The following RASGEF1C variants were observed in gnomAD, a reference collection of about 807,000 sequenced individuals.
The protein encoded by RASGEF1C is RasGEF domain family member 1C.
In RASGEF1C, 27 loss-of-function variants were observed where a neutral mutation model predicts 58.1. That is an observed-to-expected ratio of 0.46 (90% confidence interval 0.34 to 0.64). The LOEUF is 0.64. Among genes scored for constraint, RASGEF1C ranks in the 30% least tolerant of loss-of-function variants. RASGEF1C has a pLI of 0.01. For missense variants in RASGEF1C, 502 were observed against 605.1 expected (o/e 0.83, Z 1.79); for synonymous variants, 243 against 246.3 (o/e 0.99, Z 0.13).
At chr5:180,174,100 C>T (rs1436907978) in intron 1 of RASGEF1C, among the ~76,000 whole-genome samples, 1 of 151,804 alleles carries the variant, frequency 6.6e-6, no homozygotes, top group African/African-American at 2.4e-5. Flanking sequence ...GAGAAACACT[C>T]AGTGCATGGA....
At chr5:180,109,110 T>C (rs916994939) in intron 12 of RASGEF1C, among the ~76,000 whole-genome samples, 1 of 152,192 alleles carries the variant, frequency 6.6e-6, no homozygotes, top group Non-Finnish European at 1.5e-5. Flanking sequence ...CTCATCTTAA[T>C]GCCCAAGTTC....
intron 11 of RASGEF1C, among the ~76,000 whole-genome samples, chr5:180,113,044 ATGGACGGAGGGATCCGGGC>A (rs1304873592): frequency 0.021 from 2,331 of 111,240 alleles, 415 homozygotes; most frequent in Non-Finnish European, 0.036. Context: ...GGGACCGGGG[ATGGACGGAGGGATCCGGGC>A]TGGACGGAGG....
intron 12 of RASGEF1C, among the ~76,000 whole-genome samples, chr5:180,104,369 G>A (rs1469827370): frequency 6.6e-6 from 1 of 152,176 alleles, no homozygotes; most frequent in African/African-American, 2.4e-5. Flanking sequence ...TCTGCCAAAT[G>A]AGGACACAGC....
At chr5:180,190,345 C>T (rs892423945) in intron 1 of RASGEF1C, among the ~76,000 whole-genome samples, 2 of 151,888 alleles carry the variant, frequency 1.3e-5, no homozygotes, top group African/African-American at 2.4e-5. Flanking sequence ...AAAAAATTAG[C>T]CGGGCGTGGT....
chr5:180,112,600 T>C (rs894826315), intron 11 of RASGEF1C, among the ~76,000 whole-genome samples: 1 of 152,100 alleles, frequency 6.6e-6, no homozygotes, highest in Non-Finnish European at 1.5e-5. Flanking sequence ...TGTCACCCAC[T>C]GCTAAGGCCA....
chr5:180,128,283 G>A, intron 5 of RASGEF1C, 127 bp downstream of exon 5: 1 of 895,650 alleles, frequency 1.1e-6, no homozygotes, highest in Non-Finnish European at 1.8e-6. Flanking sequence ...CCCAGTGCAT[G>A]CTCGAGGCTA....
Position 180,137,019 on chromosome 5 carries a change from C to A in RASGEF1C, c.301-504G>T, listed in dbSNP as rs1014259525. ...GCGGTGGAGGCGGCCAAGCGCCACA[C>A]CAGCCAGCCCGAGGGAGGCCAGCCC... On this transcript the variant is annotated intron_variant, in intron 3 of 13. Transcript: ENST00000361132. This position sits in a 1 kb window ranked among gnomAD's most constrained non-coding sequence, Gnocchi z 4.1. 1.3e-5 allele frequency among the ~76,000 whole-genome samples: 2 copies of A among 152,144 alleles called. No individual in the cohort carries two copies. The highest frequency in any genetic ancestry group is 3.9e-4 in the East Asian group (2 of 5,172).
At chr5:180,116,616 G>T (rs1375970786) in intron 10 of RASGEF1C, among the ~76,000 whole-genome samples, 2 of 152,246 alleles carry the variant, frequency 1.3e-5, no homozygotes, top group Non-Finnish European at 2.9e-5. Flanking sequence ...AGCACCCAGA[G>T]CTGGAAGGGG....
intron 1 of RASGEF1C, among the ~76,000 whole-genome samples, chr5:180,139,352 C>A (rs190354988): frequency 6.6e-6 from 1 of 152,204 alleles, no homozygotes; most frequent in Non-Finnish European, 1.5e-5. Flanking sequence ...CTGCTCATGC[C>A]GTCCTTGCTG....
intron 9 of RASGEF1C, 30 bp from the exon 10 acceptor site, chr5:180,118,734 G>C (rs761026839): frequency 6.2e-7 from 1 of 1,614,056 alleles, no homozygotes; most frequent in South Asian, 1.1e-5. Context: ...CATGTGGGCA[G>C]TTCTGTCCAG....
intron 12 of RASGEF1C, among the ~76,000 whole-genome samples, chr5:180,109,185 GGTGGCTCACGCCTGTAATCCC>G (rs1765914947): frequency 6.6e-6 from 1 of 152,154 alleles, no homozygotes; most frequent in Non-Finnish European, 1.5e-5. Context: ...GGCCAGGCGT[GGTGGCTCACGCCTGTAATCCC>G]AGCACTTTGG....
At chr5:180,181,087 C>A (rs1415137398) in intron 1 of RASGEF1C, among the ~76,000 whole-genome samples, 1 of 152,112 alleles carries the variant, frequency 6.6e-6, no homozygotes, top group Non-Finnish European at 1.5e-5. Context: ...GAACAGGAAC[C>A]CCACGTGGCT....
intron 6 of RASGEF1C, among the ~76,000 whole-genome samples, chr5:180,123,747 T>C (rs1766213365): frequency 6.6e-6 from 1 of 151,948 alleles, no homozygotes; most frequent in African/African-American, 2.4e-5. Flanking sequence ...AAAACTGCAA[T>C]CTACAGAATC....
At chr5:180,179,235 A>T (rs1767281232) in intron 1 of RASGEF1C, among the ~76,000 whole-genome samples, 1 of 151,738 alleles carries the variant, frequency 6.6e-6, no homozygotes, top group Non-Finnish European at 1.5e-5. Flanking sequence ...TAAAGGGAGC[A>T]CTCAGCCCCC....
intron 10 of RASGEF1C, among the ~76,000 whole-genome samples, chr5:180,118,279 G>A (rs930307039): frequency 3.9e-5 from 6 of 152,144 alleles, no homozygotes; most frequent in African/African-American, 9.7e-5. Flanking sequence ...CGCTGACTCC[G>A]GAGAAGAGAG....
intron 11 of RASGEF1C, among the ~76,000 whole-genome samples, chr5:180,113,421 G>A (rs1204472224): frequency 4.1e-5 from 2 of 49,190 alleles, no homozygotes; most frequent in African/African-American, 7.9e-5. Flanking sequence ...GGAGGGATCG[G>A]GGATGGATGG....
chr5:180,128,971 G>A (rs552866997), intron 4 of RASGEF1C, among the ~76,000 whole-genome samples: 18 of 152,358 alleles, frequency 1.2e-4, no homozygotes, highest in Non-Finnish European at 1.8e-4. Flanking sequence ...GGAGAGAGGC[G>A]GGAGACATGG....
chr5:180,116,324 C>T (rs1323135599), intron 10 of RASGEF1C, among the ~76,000 whole-genome samples: 5 of 152,124 alleles, frequency 3.3e-5, no homozygotes, highest in South Asian at 2.1e-4. Flanking sequence ...GGGCAGTTGC[C>T]GCCCACAGAC....
At chr5:180,109,325 G>GCA (rs1765920050) in intron 12 of RASGEF1C, among the ~76,000 whole-genome samples, 1 of 152,144 alleles carries the variant, frequency 6.6e-6, no homozygotes, top group Non-Finnish European at 1.5e-5. Flanking sequence ...GGGCGTGGTG[G>GCA]TGGGTGCCTG....
Sources: gnomAD v4.1 joint callset for allele counts (sites outside exome capture counted in the v4.1 genomes callset) on GRCh38, gnomAD v4.1.1 for gene constraint, Gnocchi (gnomAD v3.1) non-coding constraint, MANE v1.5 for transcripts, NCBI Gene and HGNC (gene_info 2026-07-23, HGNC 2026-07-21) for gene names.